Variants in ASXL2 observed in about 807,000 individuals in gnomAD.
The protein encoded by ASXL2 is putative Polycomb group protein ASXL2.
ASXL2 carries 23 observed loss-of-function variants against 122.0 expected under a neutral mutation model. The observed-to-expected ratio is 0.19, with a 90% CI of 0.14 to 0.27. The LOEUF is 0.27. Among genes scored for constraint, ASXL2 ranks in the 10% least tolerant of loss-of-function variants. ASXL2 has a pLI of 1.00. For missense variants in ASXL2, 1,518 were observed against 1,713.8 expected, an observed-to-expected ratio of 0.89 and a Z score of 2.02; for synonymous variants, 650 against 637.0, an observed-to-expected ratio of 1.02 and a Z score of -0.31.
rs979444390 is a variant in ASXL2, at chr2:25,737,337, G to A, written c.*4692C>T. 13 of 151,930 alleles carry A rather than the reference G, an allele frequency of 8.6e-5. No homozygotes were observed. Among genetic ancestry groups the A allele is most frequent in the Admixed American group, 3.9e-4 (6 of 15,242 alleles). 9.4% of individuals were successfully genotyped at this position (151,930 alleles called of 1,614,324 possible). A position where few individuals can be genotyped will look rare whatever the true frequency, so the allele number is the denominator to read the frequency against. ...GAAAGGAAAACCTATTTTTTCCCCC[G>A]AGATATTTCCTTACCATTCTTTGAT... On this transcript the variant is annotated 3_prime_UTR_variant, in exon 13 of 13. Transcript: ENST00000435504.
In ASXL2 at chr2:25,806,220, A is replaced by G; in HGVS notation, c.252+9T>C. The G allele has an allele frequency of 6.3e-7, 1 of 1,575,196 alleles. No homozygotes were observed. Among genetic ancestry groups the G allele is most frequent in the Non-Finnish European group, 8.7e-7 (1 of 1,148,670 alleles). On this transcript the variant is annotated intron_variant, in intron 4 of 12. Coordinates refer to ENST00000435504, the MANE Select transcript of ASXL2 (RefSeq NM_018263.6). ...TTCTTTCTAAATGACTCCCCAACAA[A>G]ATATTTACCTTCAAAGTATATACTC... is the stretch of plus-strand genomic sequence containing the variant.
intron 3 of ASXL2, among the ~76,000 whole-genome samples, chr2:25,831,888 G>A (rs2089458395): frequency 6.6e-6 from 1 of 152,094 alleles, no homozygotes; most frequent in Admixed American, 6.5e-5. Flanking sequence ...CAATTCAAAT[G>A]ACAATAGATT....
At chr2:25,825,257 CATTAG>C (rs1168529361) in intron 3 of ASXL2, among the ~76,000 whole-genome samples, 5 of 152,330 alleles carry the variant, frequency 3.3e-5, no homozygotes, top group African/African-American at 7.2e-5. Flanking sequence ...GTTTCTCCTA[CATTAG>C]ATTAAATTGT....
At chr2:25,790,327 T>TGG (rs374567068) in intron 5 of ASXL2, among the ~76,000 whole-genome samples, 8 of 10,930 alleles carry the variant, frequency 7.3e-4, no homozygotes, top group Admixed American at 3.4e-3. Context: ...GGGGTGGGGG[T>TGG]GGGGGGGGTG....
chr2:25,802,948 T>C lies in ASXL2; in HGVS notation c.252+3281A>G, dbSNP rs552648697. On this transcript the variant is annotated intron_variant, in intron 4 of 12. Transcript: ENST00000435504. ...GGGTTCGAGACCAGCCTGGCCAACA[T>C]GGTAAAACCCTGTCTCTACTAAAAA... Among the ~76,000 whole-genome samples the C allele has an allele frequency of 3.3e-5, 5 of 152,226 alleles. No homozygotes were observed. The South Asian group carries it at 8.3e-4, about 25-fold the overall frequency.
chr2:25,799,343 C>T lies in ASXL2; in HGVS notation c.403+42G>A, dbSNP rs765263262. 52 of 1,613,444 alleles carry T rather than the reference C, an allele frequency of 3.2e-5. 1 individual carries two copies. In the South Asian group the frequency reaches 5.6e-4, roughly 17 times the overall value. Reference sequence around the variant, plus strand: ...GGAACTACTAACAAGGGCATTTGTCCTACAGCATTTAGTACTTTATTGAAG... The same window carrying T: ...GGAACTACTAACAAGGGCATTTGTCTTACAGCATTTAGTACTTTATTGAAG... On this transcript the variant is annotated intron_variant, in intron 5 of 12. Transcript: ENST00000435504.
intron 3 of ASXL2, among the ~76,000 whole-genome samples, chr2:25,824,939 T>C (rs984269195): frequency 7.2e-5 from 11 of 152,200 alleles, no homozygotes; most frequent in African/African-American, 2.4e-4. Flanking sequence ...CCCATCAACT[T>C]TCAAAGTTAA....
At chr2:25,747,806 T>C (rs911830104) in intron 12 of ASXL2, among the ~76,000 whole-genome samples, 6 of 152,076 alleles carry the variant, frequency 3.9e-5, no homozygotes, top group African/African-American at 9.7e-5. Context: ...GCGATGCATG[T>C]TAATGGTAGA....
At chr2:25,769,241 A>G (rs2088405701) in intron 6 of ASXL2, among the ~76,000 whole-genome samples, 2 of 152,240 alleles carry the variant, frequency 1.3e-5, no homozygotes, top group Admixed American at 1.3e-4. Context: ...CAGAGACAGT[A>G]CGTTTTCAAT....
intron 1 of ASXL2, among the ~76,000 whole-genome samples, chr2:25,877,049 TA>T (rs1177792189): frequency 6.6e-6 from 1 of 152,238 alleles, no homozygotes; most frequent in Non-Finnish European, 1.5e-5. Flanking sequence ...TACTTTTTTA[TA>T]ATTTTCCAAA....
intron 1 of ASXL2, among the ~76,000 whole-genome samples, chr2:25,861,601 T>C (rs1276638682): frequency 1.3e-5 from 2 of 152,144 alleles, no homozygotes; most frequent in African/African-American, 4.8e-5. Context: ...ATACAAAATG[T>C]CCCCAATTAC....
intron 2 of ASXL2, among the ~76,000 whole-genome samples, chr2:25,841,110 T>C (rs1425936749): frequency 7.0e-6 from 1 of 143,686 alleles, no homozygotes; most frequent in Non-Finnish European, 1.5e-5. Context: ...CCGGCCTGGA[T>C]GGCGAAACCC....
At chr2:25,797,913 G>A (rs2088934542) in intron 5 of ASXL2, among the ~76,000 whole-genome samples, 1 of 152,170 alleles carries the variant, frequency 6.6e-6, no homozygotes, top group Non-Finnish European at 1.5e-5. Flanking sequence ...GAAAACTTAT[G>A]CACATACAAA....
At chr2:25,818,247 G>A (rs1264371092) in intron 3 of ASXL2, among the ~76,000 whole-genome samples, 2 of 152,146 alleles carry the variant, frequency 1.3e-5, no homozygotes, top group Admixed American at 6.5e-5. Flanking sequence ...AGTGGCTCAC[G>A]CCTGTAATTC....
intron 5 of ASXL2, among the ~76,000 whole-genome samples, chr2:25,776,077 T>C (rs2088541877): frequency 1.3e-5 from 2 of 152,304 alleles, no homozygotes; most frequent in Admixed American, 1.3e-4. Flanking sequence ...GAAAAAAGCA[T>C]AAAATTCAAT....
At chr2:25,803,189 G>A (rs187144240) in intron 4 of ASXL2, among the ~76,000 whole-genome samples, 11 of 152,240 alleles carry the variant, frequency 7.2e-5, no homozygotes, top group East Asian at 1.9e-4. Flanking sequence ...ATCACATGGA[G>A]GTTCCTGGAG....
chr2:25,861,301 C>T (rs778655005), intron 1 of ASXL2, among the ~76,000 whole-genome samples: 4 of 152,040 alleles, frequency 2.6e-5, no homozygotes, highest in Non-Finnish European at 5.9e-5. Flanking sequence ...ACTACAGTTC[C>T]CATGAACATT....
rs2087734037 is a variant in ASXL2, at chr2:25,736,290, A to C, written c.*5739T>G. ...TCAGCTGCAGACCAACTCTACTTGC[A>C]GGCACCCATGTCATCACCTGAATAT... On this transcript the variant is annotated 3_prime_UTR_variant, in exon 13 of 13. Coordinates refer to ENST00000435504, the MANE Select transcript of ASXL2 (RefSeq NM_018263.6). The C allele has an allele frequency of 6.6e-6, 1 of 152,184 alleles. No individual in the cohort carries two copies. Among genetic ancestry groups the C allele is most frequent in the Non-Finnish European group, 1.5e-5 (1 of 68,026 alleles). The allele number at this position is 152,184 out of a possible 1,614,324, so 9.4% of individuals were successfully genotyped here.
chr2:25,753,575 C>T lies in ASXL2; in HGVS notation c.1101G>A (p.Glu367=), dbSNP rs1267514227. ...RQEIEKEKKV[E]PWKEQFFESY... ...TTTCAAAGAATTGTTCTTTCCATGG[C>T]TCCACTTTTTTCTCCTTCTCAATCT... The change falls in exon 11 of 13, where the codon GAG becomes GAA. Residue 367 remains glutamate (E), a synonymous_variant. Transcript: ENST00000435504. 7 of 1,613,788 alleles carry T rather than the reference C, an allele frequency of 4.3e-6. No individual in the cohort carries two copies. Among genetic ancestry groups the T allele is most frequent in the African/African-American group, 1.3e-5 (1 of 75,028 alleles).
Sources: allele counts gnomAD v4.1 joint callset (sites outside exome capture counted in the v4.1 genomes callset), GRCh38; gene constraint gnomAD v4.1.1; transcripts MANE v1.5; gene names NCBI Gene and HGNC (gene_info 2026-07-23, HGNC 2026-07-21).